Variants in SLC24A2 observed in about 807,000 individuals in gnomAD.
The protein encoded by SLC24A2 is solute carrier family 24 member 2, also known as sodium/potassium/calcium exchanger 2.
A neutral mutation model predicts 62.0 loss-of-function variants in SLC24A2; 36 were observed. The observed-to-expected ratio is 0.58, with a 90% CI of 0.44 to 0.77. The LOEUF is 0.77. Ranked by LOEUF, SLC24A2 falls within the 30% of genes least tolerant of loss-of-function variation. The pLI is 0.00. For missense variants in SLC24A2, 846 were observed against 817.9 expected, an observed-to-expected ratio of 1.03 and a Z score of -0.42; for synonymous variants, 358 against 294.0, an observed-to-expected ratio of 1.22 and a Z score of -2.23.
chr9:19,754,394 C>T (rs1822072554), intron 2 of SLC24A2, among the ~76,000 whole-genome samples: 1 of 152,216 alleles, frequency 6.6e-6, no homozygotes, highest in Non-Finnish European at 1.5e-5. Context: ...TGAACTTAAG[C>T]ACTTCAACTG....
At chr9:19,910,234 T>A in the SLC24A2 span, among the ~76,000 whole-genome samples, 1 of 152,106 alleles carries the variant, frequency 6.6e-6, no homozygotes, top group Admixed American at 6.6e-5. Context: ...GCCAAAAACC[T>A]AGGAGCTCAT....
the SLC24A2 span, among the ~76,000 whole-genome samples, chr9:19,869,236 C>CTAGGA: frequency 6.6e-6 from 1 of 152,170 alleles, no homozygotes; most frequent in Non-Finnish European, 1.5e-5. Context: ...CTGCCTCGGA[C>CTAGGA]TCCCAAGATG....
At chr9:19,615,779 A>G (rs1427821870) in intron 4 of SLC24A2, among the ~76,000 whole-genome samples, 2 of 152,184 alleles carry the variant, frequency 1.3e-5, no homozygotes, top group African/African-American at 2.4e-5. Flanking sequence ...GCACAGCTCC[A>G]CAAGGGCCAG....
At chr9:19,794,353 C>A in the SLC24A2 span, among the ~76,000 whole-genome samples, 1 of 152,080 alleles carries the variant, frequency 6.6e-6, no homozygotes, top group Admixed American at 6.5e-5. Context: ...AATGCAGGAA[C>A]AGAAAACCAA....
chr9:19,960,147 C>T, the SLC24A2 span, among the ~76,000 whole-genome samples: 2,036 of 152,102 alleles, frequency 0.013, 42 homozygotes, highest in African/African-American at 0.041. Context: ...TTGATGCCAA[C>T]CAAAGTAAGA....
chr9:19,763,791 T>C (rs1186634408), intron 2 of SLC24A2, among the ~76,000 whole-genome samples: 2 of 152,228 alleles, frequency 1.3e-5, no homozygotes, highest in African/African-American at 4.8e-5. Context: ...GTTGTGTCTC[T>C]GCCAGGTTTT....
chr9:20,245,146 C>T, the SLC24A2 span, among the ~76,000 whole-genome samples: 1 of 152,126 alleles, frequency 6.6e-6, no homozygotes, highest in Non-Finnish European at 1.5e-5. Flanking sequence ...AAAGATCTTA[C>T]AATCCATGGT....
chr9:20,020,698 T>G, the SLC24A2 span, among the ~76,000 whole-genome samples: 1 of 152,302 alleles, frequency 6.6e-6, no homozygotes, highest in East Asian at 1.9e-4. Context: ...TCTGCACACG[T>G]ATCCCAGAAC....
chr9:19,818,166 C>T, the SLC24A2 span, among the ~76,000 whole-genome samples: 249 of 152,126 alleles, frequency 1.6e-3, 2 homozygotes, highest in Non-Finnish European at 3.0e-3. Flanking sequence ...TTAGAGTCTC[C>T]GGCCTTGTTT....
At chr9:20,049,815 G>A in the SLC24A2 span, among the ~76,000 whole-genome samples, 25 of 152,226 alleles carry the variant, frequency 1.6e-4, no homozygotes, top group Admixed American at 2.6e-4. Flanking sequence ...TCACTGGGTA[G>A]AAGCTAGAAA....
the SLC24A2 span, among the ~76,000 whole-genome samples, chr9:20,014,209 GC>G: frequency 4.6e-5 from 7 of 152,052 alleles, no homozygotes; most frequent in South Asian, 1.5e-3. Context: ...CCATGTCTCA[GC>G]GGGGGAAAAA....
At chr9:19,714,375 G>T (rs1820798665) in intron 2 of SLC24A2, among the ~76,000 whole-genome samples, 1 of 152,156 alleles carries the variant, frequency 6.6e-6, no homozygotes, top group African/African-American at 2.4e-5. Flanking sequence ...AAAACTGACT[G>T]CTGAATCAAA....
At chr9:19,623,132 T>C (rs1817950064) in intron 2 of SLC24A2, among the ~76,000 whole-genome samples, 1 of 152,146 alleles carries the variant, frequency 6.6e-6, no homozygotes, top group South Asian at 2.1e-4. Context: ...CTTCCTTAAC[T>C]CAATGGCAAC....
chr9:19,843,528 C>G, the SLC24A2 span, among the ~76,000 whole-genome samples: 7 of 152,094 alleles, frequency 4.6e-5, no homozygotes, highest in Admixed American at 6.6e-5. Flanking sequence ...ATAATAATTT[C>G]AACTTTCATT....
At chr9:19,709,282 T>C (rs562750987) in intron 2 of SLC24A2, among the ~76,000 whole-genome samples, 34 of 152,008 alleles carry the variant, frequency 2.2e-4, no homozygotes, top group Non-Finnish European at 4.7e-4. Flanking sequence ...TGTGGAGAAA[T>C]AGGAACACTT....
At chr9:20,067,603 T>TG in the SLC24A2 span, among the ~76,000 whole-genome samples, 2 of 152,122 alleles carry the variant, frequency 1.3e-5, no homozygotes, top group African/African-American at 4.8e-5. Flanking sequence ...GTACTCAATG[T>TG]TTAGCTCCCA....
chr9:19,636,315 T>TTTTCTTTTCTTTTCTTTTCC, intron 2 of SLC24A2, among the ~76,000 whole-genome samples: 436 of 40,312 alleles, frequency 0.011, 30 homozygotes, highest in Admixed American at 0.014. Flanking sequence ...TTTTCTTTTC[T>TTTTCTTTTCTTTTCTTTTCC]TTTCTTTCTT....
the SLC24A2 span, among the ~76,000 whole-genome samples, chr9:20,133,219 T>A: frequency 1.3e-5 from 2 of 152,028 alleles, no homozygotes; most frequent in African/African-American, 4.8e-5. Context: ...AAATCATACA[T>A]GCATGCATGC....
chr9:20,099,000 A>G, the SLC24A2 span, among the ~76,000 whole-genome samples: 3 of 152,234 alleles, frequency 2.0e-5, no homozygotes, highest in East Asian at 5.8e-4. Context: ...AAAAGCTTTA[A>G]AACACATCAT....
Sources: allele counts gnomAD v4.1 joint callset (sites outside exome capture counted in the v4.1 genomes callset), GRCh38; gene constraint gnomAD v4.1.1; transcripts MANE v1.5; gene names NCBI Gene and HGNC (gene_info 2026-07-23, HGNC 2026-07-21).